The following PCM1 variants were observed in gnomAD, a reference collection of about 807,000 sequenced individuals.
The protein encoded by PCM1 is pericentriolar material 1 protein.
PCM1 carries 157 observed loss-of-function variants against 241.9 expected under a neutral mutation model. The observed-to-expected ratio is 0.65, with a 90% CI of 0.57 to 0.74. PCM1 has a LOEUF of 0.74. Ranked by LOEUF, PCM1 falls within the 30% of genes least tolerant of loss-of-function variation. The probability of loss-of-function intolerance (pLI) is 0.00; values close to 1 mark genes in which losing one functional copy is unlikely to be tolerated. For missense variants in PCM1, 3,478 were observed against 2,360.1 expected, an observed-to-expected ratio of 1.47 and a Z score of -9.81; for synonymous variants, 1,085 against 784.9, an observed-to-expected ratio of 1.38 and a Z score of -6.39.
At chr8:17,969,151 C>G (rs2076046711) in intron 21 of PCM1, among the ~76,000 whole-genome samples, 1 of 152,134 alleles carries the variant, frequency 6.6e-6, no homozygotes, top group Non-Finnish European at 1.5e-5. Context: ...AGGAGTCATA[C>G]AGACCTGAGA....
chr8:18,012,628 G>T (rs1038647651), intron 34 of PCM1, among the ~76,000 whole-genome samples: 2 of 151,972 alleles, frequency 1.3e-5, no homozygotes, highest in South Asian at 2.1e-4. Flanking sequence ...CCTTGTTGGG[G>T]TCTTTTTTCA....
Position 18,010,597 on chromosome 8 carries a change from T to C in PCM1, c.5161-12T>C, listed in dbSNP as rs770011998. ...ATGTTGCTAAATTCTGTGTAATTGA[T>C]TTGTTTTAAAGGCTAAAAGGATTCT... is the stretch of plus-strand genomic sequence containing the variant. On this transcript the variant is annotated splice_polypyrimidine_tract_variant and intron_variant, in intron 31 of 38. Transcript: ENST00000325083. The C allele has an allele frequency of 1.3e-6, 2 of 1,581,912 alleles. No homozygotes were observed. The highest frequency in any genetic ancestry group is 1.7e-6 in the Non-Finnish European group (2 of 1,163,360).
At position 18,029,490 on chromosome 8, in the gene PCM1, TTCTC is replaced by T. The variant is rs1044542263; in HGVS notation, c.*1834_*1837del. ...TCAAGCCCAGCCTTACATACTGTGTTTCTCTCTCTGTCTGCATGCATATTAAAGT... is the reference window on the plus strand; with the variant it reads ...TCAAGCCCAGCCTTACATACTGTGTTTCTCTGTCTGCATGCATATTAAAGT... On this transcript the variant is annotated 3_prime_UTR_variant, in exon 39 of 39. Coordinates refer to ENST00000325083, the MANE Select transcript of PCM1 (RefSeq NM_006197.4). The T allele has an allele frequency of 1.4e-5, 3 of 215,708 alleles. No individual in the cohort carries two copies. Among genetic ancestry groups the T allele is most frequent in the African/African-American group, 4.5e-5 (2 of 44,414 alleles). The allele number at this position is 215,708 out of a possible 1,614,324, so 13.4% of individuals were successfully genotyped here. A position where few individuals can be genotyped will look rare whatever the true frequency, so the allele number is the denominator to read the frequency against.
chr8:17,950,475 A>G, intron 7 of PCM1, 140 bp from the exon 8 acceptor site: 1 of 584,974 alleles, frequency 1.7e-6, no homozygotes, highest in Non-Finnish European at 3.0e-6. Context: ...TTGTTGGCAG[A>G]TAGATCGGAT....
chr8:17,957,812 A>C (rs772092460), intron 13 of PCM1, 37 bp downstream of exon 13: 2 of 1,378,144 alleles, frequency 1.5e-6, no homozygotes, highest in Middle Eastern at 2.2e-4. Flanking sequence ...CCTATTTGTC[A>C]AATAGTACAG....
intron 13 of PCM1, among the ~76,000 whole-genome samples, chr8:17,958,817 G>T (rs746119584): frequency 6.6e-6 from 1 of 152,050 alleles, no homozygotes; most frequent in Non-Finnish European, 1.5e-5. Flanking sequence ...CATCTCCCGG[G>T]TTCAAGCGAT....
In PCM1 at chr8:17,989,943, T is replaced by C. The variant is rs765724099; in HGVS notation, c.4495T>C (p.Ser1499Pro). Residue 1499 changes from serine (S) to proline (P), a missense_variant, in exon 27 of 39, where the codon TCA becomes CCA. Transcript: ENST00000325083. Reference sequence around the variant, plus strand: ...TGATAATGCTAGTGTCCTGTCTGTATCATCAAATTTTGAGCCTTTTGCAAC... The same window carrying C: ...TGATAATGCTAGTGTCCTGTCTGTACCATCAAATTTTGAGCCTTTTGCAAC... ...DADNASVLSVSSNFEPFATDD... is the reference protein window; with the variant it reads ...DADNASVLSVPSNFEPFATDD... 54 of 1,539,780 alleles carry C rather than the reference T, an allele frequency of 3.5e-5. 1 individual carries two copies. The South Asian group carries it at 5.9e-4, about 17-fold the overall frequency.
At chr8:17,947,774 A>C (rs114240985) in intron 7 of PCM1, among the ~76,000 whole-genome samples, 1 of 152,326 alleles carries the variant, frequency 6.6e-6, no homozygotes, top group South Asian at 2.1e-4. Context: ...GTAAATTTAT[A>C]AAGTGTCTTT....
chr8:17,982,018 T>C (rs2081021507), intron 24 of PCM1, among the ~76,000 whole-genome samples: 1 of 152,202 alleles, frequency 6.6e-6, no homozygotes, highest in Admixed American at 6.5e-5. Context: ...AAAATGTTAA[T>C]AGTGGTTTTA....
intron 32 of PCM1, 74 bp from the exon 33 acceptor site, chr8:18,011,163 A>C: frequency 1.0e-6 from 1 of 957,984 alleles, no homozygotes; most frequent in Admixed American, 3.3e-5. Context: ...ATCATTATTA[A>C]TACGATAGAC....
At chr8:17,973,403 T>A (rs2077499015) in intron 23 of PCM1, among the ~76,000 whole-genome samples, 2 of 152,104 alleles carry the variant, frequency 1.3e-5, no homozygotes, top group South Asian at 4.1e-4. Flanking sequence ...TGAAAGGTTG[T>A]TCTGAGTTTA....
intron 34 of PCM1, among the ~76,000 whole-genome samples, chr8:18,012,532 A>G (rs146524619): frequency 3.3e-5 from 5 of 152,178 alleles, no homozygotes; most frequent in Non-Finnish European, 7.3e-5. Flanking sequence ...CATACACTCT[A>G]TGGATGAGGC....
intron 29 of PCM1, among the ~76,000 whole-genome samples, chr8:17,994,932 C>T (rs554669849): frequency 6.6e-6 from 1 of 151,320 alleles, no homozygotes; most frequent in East Asian, 1.9e-4. Context: ...GGTTATTAAT[C>T]CCTTGTCGGA....
chr8:17,933,232 C>G (rs1443029315), intron 2 of PCM1, among the ~76,000 whole-genome samples: 4 of 152,172 alleles, frequency 2.6e-5, no homozygotes, highest in African/African-American at 9.6e-5. Flanking sequence ...GTTTTTCTTA[C>G]TACATTTTTC....
At position 17,966,110 on chromosome 8, in the gene PCM1, G is replaced by A; in HGVS notation, c.2967G>A (p.Glu989=). 1 of 1,613,232 alleles carries A rather than the reference G, an allele frequency of 6.2e-7. No homozygotes were observed. The highest frequency in any genetic ancestry group is 8.5e-7 in the Non-Finnish European group (1 of 1,179,200). ...QRQENLRWVS[E]LSYVEEKEQW... ...AAGAAAACCTTCGTTGGGTGTCAGA[G>A]CTCTCTTACGTAGAAGAGAAAGAAC... The change falls in exon 19 of 39, where the codon GAG becomes GAA. Residue 989 remains glutamate (E), a synonymous_variant. Transcript: ENST00000325083.
intron 26 of PCM1, chr8:17,986,372 T>C (rs1564182532): frequency 5.2e-6 from 1 of 190,768 alleles, no homozygotes; most frequent in Non-Finnish European, 1.1e-5. Flanking sequence ...TTAAAAGACA[T>C]TTACAAATGT....
intron 34 of PCM1, 57 bp downstream of exon 34, chr8:18,011,884 C>T (rs2092568259): frequency 1.4e-6 from 2 of 1,447,278 alleles, no homozygotes; most frequent in Admixed American, 4.2e-5. Flanking sequence ...AATCAAACTT[C>T]CATCAGCCTT....
chr8:18,019,860 T>C (rs572651604), intron 36 of PCM1, among the ~76,000 whole-genome samples: 2 of 152,144 alleles, frequency 1.3e-5, no homozygotes, highest in Non-Finnish European at 2.9e-5. Flanking sequence ...GTCCATTACA[T>C]AGGATGTGAT....
At position 18,027,843 on chromosome 8, in the gene PCM1, T is replaced by C. The variant is rs1196540205; in HGVS notation, c.*181T>C. On this transcript the variant is annotated 3_prime_UTR_variant, in exon 39 of 39. Transcript: ENST00000325083. ...ATCAGAAACTGAATTCTGGACAGAT[T>C]TAAGCCTTGACACACTGTGTTTTTT... 2.4e-6 allele frequency: 1 copy of C among 419,762 alleles called. No homozygotes were observed. The allele number at this position is 419,762 out of a possible 1,614,324, so 26.0% of individuals were successfully genotyped here. A position where few individuals can be genotyped will look rare whatever the true frequency, so the allele number is the denominator to read the frequency against.
Sources: allele counts gnomAD v4.1 joint callset (sites outside exome capture counted in the v4.1 genomes callset), GRCh38; gene constraint gnomAD v4.1.1; transcripts MANE v1.5; gene names NCBI Gene and HGNC (gene_info 2026-07-23, HGNC 2026-07-21).